ALPK3: variants seen among roughly 807,000 people sequenced by gnomAD.
The protein encoded by ALPK3 is alpha kinase 3.
Under a neutral mutation model 140.0 loss-of-function variants are expected in ALPK3, and 102 were observed. The ratio of observed to expected loss-of-function variants is 0.73; its 90% CI spans 0.62 to 0.86. The LOEUF (loss-of-function observed/expected upper bound fraction) is 0.86, where lower values mean the gene tolerates loss of function less well. Ranked by LOEUF, ALPK3 falls within the 40% of genes least tolerant of loss-of-function variation. ALPK3 has a pLI of 0.00. For synonymous variants in ALPK3, 938 were observed against 898.5 expected, an observed-to-expected ratio of 1.04 and a Z score of -0.79; for missense variants, 2,254 against 2,208.2, an observed-to-expected ratio of 1.02 and a Z score of -0.42.
At chr15:84,859,481 C>T (rs1963914409) in intron 7 of ALPK3, 91 bp downstream of exon 7, 4 of 1,484,528 alleles carry the variant, frequency 2.7e-6, no homozygotes, top group Non-Finnish European at 3.6e-6. Flanking sequence ...CCTATCGCCT[C>T]ATTAATCCTC....
At position 84,857,766 on chromosome 15, in the gene ALPK3, A is replaced by G; in HGVS notation, c.3028A>G (p.Thr1010Ala). Reference protein sequence around the residue: ...TVEVAGLSPRTSRRILERVEN... With the variant: ...TVEVAGLSPRASRRILERVEN... ...GGAAGTGGCTGGGCTTAGTCCCCGG[A>G]CATCGAGGCGCATCCTGGAGCGTGT... Residue 1010 changes from threonine (T) to alanine (A), a missense_variant, in exon 6 of 14, where the codon ACA becomes GCA. By Grantham distance (58) the Thr-to-Ala change is moderately conservative. Transcript: ENST00000258888. 4 of 1,612,988 alleles carry G rather than the reference A, an allele frequency of 2.5e-6. No homozygotes were observed. The highest frequency in any genetic ancestry group is 3.4e-6 in the Non-Finnish European group (4 of 1,179,306).
Position 84,856,794 on chromosome 15 carries a change from G to T in ALPK3, c.2056G>T (p.Ala686Ser), listed in dbSNP as rs1366851951. Residue 686 changes from alanine to serine, a missense_variant, in exon 6 of 14, where the codon GCC becomes TCC. Ala to Ser is a moderately conservative substitution (Grantham distance 99). Coordinates refer to ENST00000258888, the MANE Select transcript of ALPK3 (RefSeq NM_020778.5). ...TGAGAAGATACAGGAAGACAGGAAG[G>T]CCCAGGCAGATAAGGGCACACAGGA... The part of the protein sequence containing the change: ...AGEKIQEDRK[A>S]QADKGTQEDR... 1 of 1,613,932 alleles carries T rather than the reference G, an allele frequency of 6.2e-7. No homozygotes were observed. The highest frequency in any genetic ancestry group is 8.5e-7 in the Non-Finnish European group (1 of 1,180,010).
chr15:84,820,379 T>C (rs1186633513), intron 1 of ALPK3, among the ~76,000 whole-genome samples: 2 of 152,216 alleles, frequency 1.3e-5, no homozygotes, highest in Non-Finnish European at 2.9e-5. Context: ...AGGCCTTTTA[T>C]GTCCCAGACT....
Position 84,817,501 on chromosome 15 carries a change from T to C in ALPK3, c.49T>C (p.Ser17Pro). The C allele has an allele frequency of 8.2e-7, 1 of 1,220,044 alleles. No individual in the cohort carries two copies. The highest frequency in any genetic ancestry group is 1.1e-6 in the Non-Finnish European group (1 of 910,792). The allele number at this position is 1,220,044 out of a possible 1,614,324, so 75.6% of individuals were successfully genotyped here. Residue 17 changes from serine to proline, a missense_variant, in exon 1 of 14, where the codon TCG (serine) becomes CCG (proline). Physicochemically the swap from Ser to Pro is moderately conservative, Grantham distance 74. Around this residue, in one of 3 missense-constraint regions of ALPK3, gnomAD observed 2,088 missense variants for 2,022.9 expected, o/e 1.03. Transcript: ENST00000258888. Reference sequence around the variant, plus strand: ...CCGGGGCTGGGGCGCGGGTGGGCGGTCGGGGGCGGGGGGCGACGGTGAGGA... The same window carrying C: ...CCGGGGCTGGGGCGCGGGTGGGCGGCCGGGGGCGGGGGGCGACGGTGAGGA... The part of the protein sequence containing the change: ...PSRGWGAGGR[S>P]GAGGDGEDDG...
intron 12 of ALPK3, among the ~76,000 whole-genome samples, 170 bp downstream of exon 12, chr15:84,864,835 G>A (rs559360982): frequency 2.0e-5 from 3 of 152,194 alleles, no homozygotes; most frequent in South Asian, 2.1e-4. Context: ...CATTTTGCTC[G>A]CAACCCTAAT....
rs4040516 is a variant in ALPK3 at position 84,850,879 on chromosome 15, TACACACACAC to T, written c.1654-5486_1654-5477del. ...TCATATCTTTACACAGTTCCAGATA[TACACACACAC>T]ACACACACACACACACACACACACA... is the stretch of plus-strand genomic sequence containing the variant. On this transcript the variant is annotated intron_variant, in intron 5 of 13. Transcript: ENST00000258888. Among the ~76,000 whole-genome samples, 216 of 142,470 alleles carry T rather than the reference TACACACACAC, an allele frequency of 1.5e-3. 1 individual carries two copies. Among genetic ancestry groups the T allele is most frequent in the African/African-American group, 5.5e-3 (205 of 37,144 alleles). 93.5% of individuals were successfully genotyped at this position (142,470 alleles called of 152,430 possible).
At position 84,838,966 on chromosome 15, in the gene ALPK3, T is replaced by C. The variant is rs1256324201; in HGVS notation, c.305-14T>C. On this transcript the variant is annotated splice_polypyrimidine_tract_variant and intron_variant, in intron 3 of 13. Coordinates refer to ENST00000258888, the MANE Select transcript of ALPK3 (RefSeq NM_020778.5). The stretch of plus-strand genomic sequence containing the variant: ...CTGGCCTTGCTGTAACCCAGTCTCC[T>C]GCTTCTTTCTCAGGATACCCAGAGC... 5 of 1,612,184 alleles carry C rather than the reference T, an allele frequency of 3.1e-6. No individual in the cohort carries two copies. Among genetic ancestry groups the C allele is most frequent in the Non-Finnish European group, 4.2e-6 (5 of 1,178,280 alleles).
Position 84,859,341 on chromosome 15 carries a change from G to A in ALPK3, c.3916G>A (p.Val1306Ile). The A allele has an allele frequency of 6.2e-7, 1 of 1,614,188 alleles. No homozygotes were observed. Among genetic ancestry groups the A allele is most frequent in the Non-Finnish European group, 8.5e-7 (1 of 1,180,028 alleles). Residue 1306 changes from valine (V) to isoleucine (I), a missense_variant, in exon 7 of 14, where the codon GTC becomes ATC. Val to Ile is a conservative substitution (Grantham distance 29). Transcript: ENST00000258888. ...GTTTTTCAACATTCTTAGTGACTCAGTCTTGACATGGGCCAAGGATCAGCG... is the reference window on the plus strand; with the variant it reads ...GTTTTTCAACATTCTTAGTGACTCAATCTTGACATGGGCCAAGGATCAGCG... ...CQFFNILSDS[V>I]LTWAKDQRPV...
At chr15:84,828,318 G>A (rs932125015) in intron 3 of ALPK3, among the ~76,000 whole-genome samples, 10 of 152,202 alleles carry the variant, frequency 6.6e-5, no homozygotes, top group Non-Finnish European at 1.3e-4. Context: ...AGGAAGCAGA[G>A]TGATACTCCT....
intron 13 of ALPK3, among the ~76,000 whole-genome samples, chr15:84,867,693 A>G (rs1457325868): frequency 6.6e-6 from 1 of 152,112 alleles, no homozygotes; most frequent in Non-Finnish European, 1.5e-5. Context: ...GTCTGCTCCA[A>G]TTTATGTTCA....
At chr15:84,838,776 C>G (rs188537322) in intron 3 of ALPK3, among the ~76,000 whole-genome samples, 5 of 151,968 alleles carry the variant, frequency 3.3e-5, no homozygotes, top group Non-Finnish European at 7.4e-5. Context: ...CCCGCCACCA[C>G]GTCCGGGTAA....
intron 3 of ALPK3, among the ~76,000 whole-genome samples, chr15:84,837,262 C>G (rs774167972): frequency 6.6e-6 from 1 of 152,116 alleles, no homozygotes; most frequent in Non-Finnish European, 1.5e-5. Flanking sequence ...CAGGCTTGTA[C>G]GCTGATGAGA....
intron 1 of ALPK3, among the ~76,000 whole-genome samples, chr15:84,821,257 G>A (rs1216147724): frequency 6.6e-6 from 1 of 152,212 alleles, no homozygotes; most frequent in African/African-American, 2.4e-5. Context: ...GACTAACAAT[G>A]TAAGGGCGAG....
chr15:84,861,985 CCT>C (rs1596157629), intron 9 of ALPK3, among the ~76,000 whole-genome samples: 1 of 152,250 alleles, frequency 6.6e-6, no homozygotes, highest in East Asian at 1.9e-4. Context: ...CAGGTTGGCC[CCT>C]GTGTCCTTCT....
rs370658073 is a variant in ALPK3, at chr15:84,863,538, T to G, written c.4411-14T>G. On this transcript the variant is annotated splice_polypyrimidine_tract_variant and intron_variant, in intron 10 of 13. Coordinates refer to ENST00000258888, the MANE Select transcript of ALPK3 (RefSeq NM_020778.5). ...AATTTCTTTGCTCACCACATTTGGT[T>G]CCCTCATCCACAGGGGTGCAAGATC... is the stretch of plus-strand genomic sequence containing the variant. 4.3e-5 allele frequency: 69 copies of G among 1,612,764 alleles called. No homozygotes were observed. The highest frequency in any genetic ancestry group is 5.9e-5 in the Non-Finnish European group (69 of 1,179,204).
At chr15:84,846,177 T>C (rs1963728996) in intron 5 of ALPK3, among the ~76,000 whole-genome samples, 1 of 152,234 alleles carries the variant, frequency 6.6e-6, no homozygotes, top group South Asian at 2.1e-4. Context: ...ATTTGTAGCC[T>C]GAACACAACT....
At chr15:84,866,928 C>CA (rs141881190) in intron 12 of ALPK3, among the ~76,000 whole-genome samples, 1 of 151,992 alleles carries the variant, frequency 6.6e-6, no homozygotes, top group Non-Finnish European at 1.5e-5. Context: ...TCTAGGAATC[C>CA]AAAAAAACGG....
Position 84,839,848 on chromosome 15 carries a change from C to T in ALPK3, c.569C>T (p.Ala190Val), listed in dbSNP as rs751010387. 3 of 1,614,084 alleles carry T rather than the reference C, an allele frequency of 1.9e-6. No homozygotes were observed. The highest frequency in any genetic ancestry group is 1.1e-5 in the South Asian group (1 of 91,090). Residue 190 changes from alanine (A) to valine (V), a missense_variant, in exon 5 of 14, where the codon GCG (alanine) becomes GTG (valine). Ala to Val is a moderately conservative substitution (Grantham distance 64, BLOSUM62 0). Coordinates refer to ENST00000258888, the MANE Select transcript of ALPK3 (RefSeq NM_020778.5). Reference protein sequence around the residue: ...RWFAKLKRKAAAKLREIEQSW... With the variant: ...RWFAKLKRKAVAKLREIEQSW... ...TTCGCCAAGTTGAAGCGCAAGGCTG[C>T]GGCAAAGCTGCGCGAGATCGAGCAG... is the stretch of plus-strand genomic sequence containing the variant.
chr15:84,817,724 C>G, intron 1 of ALPK3, 129 bp downstream of exon 1: 3 of 1,214,600 alleles, frequency 2.5e-6, no homozygotes, highest in Non-Finnish European at 3.2e-6. Context: ...CCCCAAGGCC[C>G]AGGGCCTGGG....
Sources: allele counts gnomAD v4.1 joint callset (sites outside exome capture counted in the v4.1 genomes callset), GRCh38; gene constraint gnomAD v4.1.1; regional missense constraint gnomAD v4.1.1; transcripts MANE v1.5; gene names NCBI Gene and HGNC (gene_info 2026-07-23, HGNC 2026-07-21).